CNTN6: variants seen among roughly 807,000 people sequenced by gnomAD.
CNTN6 encodes contactin 6, also known as contactin-6.
CNTN6 carries 137 observed loss-of-function variants against 122.8 expected under a neutral mutation model. That is an observed-to-expected ratio of 1.12 (90% CI 0.97 to 1.29). CNTN6 has a LOEUF of 1.29. Among genes scored for constraint, CNTN6 ranks in the 50% most tolerant of loss-of-function variants. CNTN6 has a pLI of 0.00. For missense variants in CNTN6, 1,634 were observed against 1,223.4 expected, an observed-to-expected ratio of 1.34 and a Z score of -5.01; for synonymous variants, 570 against 426.0, an observed-to-expected ratio of 1.34 and a Z score of -4.16.
chr3:1,369,691 T>A (rs866956338), intron 12 of CNTN6, among the ~76,000 whole-genome samples: 103 of 152,268 alleles, frequency 6.8e-4, no homozygotes, highest in African/African-American at 2.4e-3. Flanking sequence ...TCTAAAACTT[T>A]AAATCTGGGC....
chr3:1,249,016 T>C (rs1043781303), intron 4 of CNTN6, among the ~76,000 whole-genome samples: 1 of 152,192 alleles, frequency 6.6e-6, no homozygotes, highest in Non-Finnish European at 1.5e-5. Context: ...TCAGTAGGTC[T>C]AAAGTGAGGC....
At chr3:1,346,923 T>A (rs149029908) in intron 11 of CNTN6, among the ~76,000 whole-genome samples, 26 of 152,230 alleles carry the variant, frequency 1.7e-4, no homozygotes, top group Non-Finnish European at 3.4e-4. Flanking sequence ...GGCAAATGGG[T>A]AGGACATCTG....
intron 1 of CNTN6, among the ~76,000 whole-genome samples, chr3:1,147,580 A>G (rs2092749532): frequency 7.7e-6 from 1 of 129,522 alleles, no homozygotes; most frequent in South Asian, 3.1e-4. Context: ...ATTAGAGAAA[A>G]TTATGATGCA....
chr3:1,194,447 C>T (rs565154253), intron 2 of CNTN6, among the ~76,000 whole-genome samples: 1 of 152,074 alleles, frequency 6.6e-6, no homozygotes, highest in South Asian at 2.1e-4. Context: ...ATTTAGAAAA[C>T]ATTTACATAT....
At chr3:1,201,801 A>T (rs2093875741) in intron 2 of CNTN6, among the ~76,000 whole-genome samples, 1 of 152,222 alleles carries the variant, frequency 6.6e-6, no homozygotes, top group African/African-American at 2.4e-5. Context: ...TTCCATTAAA[A>T]ATAAAAATTC....
intron 1 of CNTN6, among the ~76,000 whole-genome samples, chr3:1,097,454 T>A (rs1404867805): frequency 6.6e-6 from 1 of 152,196 alleles, no homozygotes; most frequent in East Asian, 1.9e-4. Context: ...ACATGATGTG[T>A]CGTATGAAGT....
chr3:1,367,815 G>A (rs1708458112), intron 12 of CNTN6, among the ~76,000 whole-genome samples: 1 of 152,156 alleles, frequency 6.6e-6, no homozygotes, highest in African/African-American at 2.4e-5. Context: ...GGTGGTAGCA[G>A]CCATAGAAAC....
intron 1 of CNTN6, among the ~76,000 whole-genome samples, chr3:1,121,714 A>T (rs1019332472): frequency 6.6e-6 from 1 of 151,894 alleles, no homozygotes; most frequent in Non-Finnish European, 1.5e-5. Flanking sequence ...CTTCATATTT[A>T]TCCATTTTAA....
chr3:1,384,756 TATACATATATATACAC>T (rs1464420365), intron 19 of CNTN6, among the ~76,000 whole-genome samples: 10 of 136,064 alleles, frequency 7.3e-5, no homozygotes, highest in East Asian at 2.1e-4. Flanking sequence ...TACACATATA[TATACATATATATACAC>T]ATATATATAT....
chr3:1,119,346 T>TGTGTGTGTGTGTGTGTGTGTGTGTGTGC (rs1221705832), intron 1 of CNTN6, among the ~76,000 whole-genome samples: 10 of 151,372 alleles, frequency 6.6e-5, no homozygotes, highest in Non-Finnish European at 1.2e-4. Flanking sequence ...TGTGTGTGTG[T>TGTGTGTGTGTGTGTGTGTGTGTGTGTGC]GTGTGTGGAG....
chr3:1,104,487 A>G (rs550792033), intron 1 of CNTN6, among the ~76,000 whole-genome samples: 1 of 152,312 alleles, frequency 6.6e-6, no homozygotes, highest in South Asian at 2.1e-4. Flanking sequence ...TCAAGTGAAT[A>G]GTACCAGTGG....
chr3:1,269,056 A>G (rs1327873049), intron 4 of CNTN6, among the ~76,000 whole-genome samples: 1 of 152,182 alleles, frequency 6.6e-6, no homozygotes, highest in Non-Finnish European at 1.5e-5. Flanking sequence ...TCGTATCATC[A>G]GTAATGTGAT....
At chr3:1,203,680 G>A (rs761942462) in intron 2 of CNTN6, among the ~76,000 whole-genome samples, 10 of 152,196 alleles carry the variant, frequency 6.6e-5, no homozygotes, top group African/African-American at 9.6e-5. Context: ...GTGAAACCAC[G>A]GTAGCAAAAT....
chr3:1,108,143 G>GT (rs566088277), intron 1 of CNTN6, among the ~76,000 whole-genome samples: 1 of 151,938 alleles, frequency 6.6e-6, no homozygotes, highest in African/African-American at 2.4e-5. Flanking sequence ...GAGAATAAAT[G>GT]TTTTTTAACC....
chr3:1,240,719 AG>A (rs1435226568), intron 4 of CNTN6, among the ~76,000 whole-genome samples: 1 of 151,410 alleles, frequency 6.6e-6, no homozygotes, highest in Admixed American at 6.6e-5. Context: ...AAAAAAAAAA[AG>A]AAAAAAAAGA....
At chr3:1,338,619 G>C (rs547977300) in intron 11 of CNTN6, among the ~76,000 whole-genome samples, 23 of 152,210 alleles carry the variant, frequency 1.5e-4, no homozygotes, top group African/African-American at 5.5e-4. Flanking sequence ...TTTTGAAAAT[G>C]TGAATATAAT....
intron 8 of CNTN6, among the ~76,000 whole-genome samples, chr3:1,324,268 C>A (rs1460259774): frequency 6.7e-6 from 1 of 148,786 alleles, no homozygotes; most frequent in Non-Finnish European, 1.5e-5. Flanking sequence ...GGTCTTCTGT[C>A]TTGGTGAAGG....
chr3:1,292,496 C>G (rs554499566), intron 5 of CNTN6, among the ~76,000 whole-genome samples: 3 of 152,090 alleles, frequency 2.0e-5, no homozygotes, highest in Non-Finnish European at 2.9e-5. Flanking sequence ...TCCCATGATA[C>G]CTGGCTCAGA....
chr3:1,099,506 C>T (rs989406123), intron 1 of CNTN6, among the ~76,000 whole-genome samples: 7 of 151,962 alleles, frequency 4.6e-5, no homozygotes, highest in African/African-American at 1.7e-4. Flanking sequence ...TATATTTCAC[C>T]TTATGTGTTT....
Sources: gnomAD v4.1 joint callset for allele counts (sites outside exome capture counted in the v4.1 genomes callset) on GRCh38, gnomAD v4.1.1 for gene constraint, MANE v1.5 for transcripts, NCBI Gene and HGNC (gene_info 2026-07-23, HGNC 2026-07-21) for gene names.